Variants in AKAP6 observed in about 807,000 individuals in gnomAD.
AKAP6 encodes A-kinase anchor protein 6.
In AKAP6, 58 loss-of-function variants were observed where a neutral mutation model predicts 188.5. The ratio of observed to expected loss-of-function variants is 0.31; its 90% CI spans 0.25 to 0.38. The LOEUF is 0.38. Among genes scored for constraint, AKAP6 ranks in the 10% least tolerant of loss-of-function variants. The pLI is 1.00. For missense variants in AKAP6, 2,710 were observed against 2,740.0 expected (o/e 0.99, Z 0.24); for synonymous variants, 989 against 998.6 (o/e 0.99, Z 0.18).
intron 7 of AKAP6, among the ~76,000 whole-genome samples, chr14:32,621,195 T>C (rs1185458649): frequency 1.3e-5 from 2 of 152,148 alleles, no homozygotes; most frequent in Admixed American, 6.5e-5. Flanking sequence ...TCTGGTCTTT[T>C]TTATTTCTTT....
intron 7 of AKAP6, among the ~76,000 whole-genome samples, chr14:32,616,250 G>A (rs905075255): frequency 6.6e-6 from 1 of 152,136 alleles, no homozygotes; most frequent in South Asian, 2.1e-4. Context: ...TCGCATTACT[G>A]GGTATATATC....
In AKAP6 at chr14:32,821,692, T is replaced by C; in HGVS notation, c.3879T>C (p.Asn1293=). The change falls in exon 13 of 14, where the codon AAT becomes AAC. Residue 1293 remains asparagine (N), a synonymous_variant. Transcript: ENST00000280979. ...TTTACCAGGTGTACAGCCTCCACAA[T>C]GTTGAACTCTATGAGGACAACCACA... is the stretch of plus-strand genomic sequence containing the variant. ...PHIYQVYSLH[N]VELYEDNHMP... 2 of 1,613,766 alleles carry C rather than the reference T, an allele frequency of 1.2e-6. No individual in the cohort carries two copies. Among genetic ancestry groups the C allele is most frequent in the Non-Finnish European group, 1.7e-6 (2 of 1,179,896 alleles).
intron 2 of AKAP6, among the ~76,000 whole-genome samples, chr14:32,523,667 C>G (rs1452414426): frequency 6.6e-6 from 1 of 151,772 alleles, no homozygotes; most frequent in Non-Finnish European, 1.5e-5. Context: ...TGGGGTCTCA[C>G]TTTGTCGCCC....
At chr14:32,642,896 T>C (rs1446170500) in intron 7 of AKAP6, among the ~76,000 whole-genome samples, 1 of 152,208 alleles carries the variant, frequency 6.6e-6, no homozygotes, top group Non-Finnish European at 1.5e-5. Context: ...AGTATATCAG[T>C]ATTAATACTG....
intron 2 of AKAP6, among the ~76,000 whole-genome samples, chr14:32,530,743 A>G (rs1882374634): frequency 6.6e-6 from 1 of 152,154 alleles, no homozygotes; most frequent in African/African-American, 2.4e-5. Flanking sequence ...TGAAAACTGG[A>G]CATACTGGTT....
At chr14:32,593,064 C>T (rs1305239226) in intron 5 of AKAP6, among the ~76,000 whole-genome samples, 3 of 107,580 alleles carry the variant, frequency 2.8e-5, no homozygotes, top group Non-Finnish European at 6.3e-5. Flanking sequence ...ACACACACAG[C>T]TGTGAGCTCT....
At chr14:32,789,962 C>G (rs2033558534) in intron 12 of AKAP6, among the ~76,000 whole-genome samples, 1 of 152,092 alleles carries the variant, frequency 6.6e-6, no homozygotes, top group Non-Finnish European at 1.5e-5. Flanking sequence ...TGCAAAGAAG[C>G]TAAGAATCAC....
chr14:32,748,253 G>C (rs2031990429), intron 11 of AKAP6, among the ~76,000 whole-genome samples: 1 of 152,214 alleles, frequency 6.6e-6, no homozygotes, highest in African/African-American at 2.4e-5. Context: ...AGAGGCTTAA[G>C]TGTGGATTCA....
At chr14:32,795,009 C>T (rs1298274208) in intron 12 of AKAP6, among the ~76,000 whole-genome samples, 2 of 152,026 alleles carry the variant, frequency 1.3e-5, no homozygotes, top group Non-Finnish European at 2.9e-5. Flanking sequence ...ATAAACACCT[C>T]TATGCACATA....
chr14:32,822,111 T>G lies in AKAP6; in HGVS notation c.4298T>G (p.Val1433Gly). 1 of 1,613,902 alleles carries G rather than the reference T, an allele frequency of 6.2e-7. No homozygotes were observed. Among genetic ancestry groups the G allele is most frequent in the Non-Finnish European group, 8.5e-7 (1 of 1,179,910 alleles). ...PNSSQSSISP[V>G]GCVNGKVGDL... ...AGCTCTCAGTCGTCCATTTCACCAG[T>G]GGGTTGTGTAAATGGAAAAGTTGGA... is the stretch of plus-strand genomic sequence containing the variant. Residue 1433 changes from valine to glycine, a missense_variant, in exon 13 of 14, where the codon GTG becomes GGG. By Grantham distance (109) the Val-to-Gly change is moderately radical. This residue lies in a region of AKAP6 where 2,473 missense variants were observed against 2,426.1 expected (regional missense o/e 1.02). Coordinates refer to ENST00000280979, the MANE Select transcript of AKAP6 (RefSeq NM_004274.5).
intron 1 of AKAP6, among the ~76,000 whole-genome samples, chr14:32,398,424 C>T (rs1888949566): frequency 6.6e-6 from 1 of 152,140 alleles, no homozygotes; most frequent in Admixed American, 6.5e-5. Context: ...TCAGGTTTTG[C>T]CAAGTGATTC....
chr14:32,800,557 A>G (rs1432939288), intron 12 of AKAP6, among the ~76,000 whole-genome samples: 1 of 152,136 alleles, frequency 6.6e-6, no homozygotes, highest in Non-Finnish European at 1.5e-5. Context: ...ATTGACTCAT[A>G]TATTATTGTG....
At chr14:32,788,442 C>T (rs866449355) in intron 12 of AKAP6, among the ~76,000 whole-genome samples, 1 of 152,320 alleles carries the variant, frequency 6.6e-6, no homozygotes, top group East Asian at 1.9e-4. Flanking sequence ...GGGAATTCAG[C>T]ACCTTCAACT....
intron 1 of AKAP6, among the ~76,000 whole-genome samples, chr14:32,405,963 A>C (rs1889277985): frequency 6.6e-6 from 1 of 152,220 alleles, no homozygotes; most frequent in Admixed American, 6.5e-5. Context: ...GAATGACAGA[A>C]TTGATATAAC....
At chr14:32,646,591 AT>A (rs752163817) in intron 7 of AKAP6, among the ~76,000 whole-genome samples, 13 of 152,206 alleles carry the variant, frequency 8.5e-5, no homozygotes, top group Admixed American at 2.0e-4. Flanking sequence ...TCAATGAAAT[AT>A]ATTTCATAAA....
At chr14:32,758,789 A>C (rs1043790615) in intron 11 of AKAP6, among the ~76,000 whole-genome samples, 4 of 152,186 alleles carry the variant, frequency 2.6e-5, no homozygotes, top group Non-Finnish European at 1.5e-5. Flanking sequence ...ATTAATAGGA[A>C]ATATAGAAAT....
chr14:32,466,701 C>T (rs1284776534), intron 2 of AKAP6, among the ~76,000 whole-genome samples: 1 of 149,216 alleles, frequency 6.7e-6, no homozygotes, highest in Non-Finnish European at 1.5e-5. Flanking sequence ...ATGTAACAAA[C>T]CTGCACGTTC....
intron 9 of AKAP6, among the ~76,000 whole-genome samples, chr14:32,702,760 G>A (rs1008014502): frequency 3.3e-5 from 5 of 152,096 alleles, no homozygotes; most frequent in Admixed American, 1.3e-4. Flanking sequence ...GGCCTAGAGT[G>A]GATCAAACGA....
At chr14:32,506,184 C>T (rs959893315) in intron 2 of AKAP6, among the ~76,000 whole-genome samples, 1 of 151,974 alleles carries the variant, frequency 6.6e-6, no homozygotes, top group Non-Finnish European at 1.5e-5. Flanking sequence ...ATGAGATATA[C>T]ACATAAAAAA....
Sources: gnomAD v4.1 joint callset for allele counts (sites outside exome capture counted in the v4.1 genomes callset) on GRCh38, gnomAD v4.1.1 for gene constraint, gnomAD v4.1.1 regional missense constraint, MANE v1.5 for transcripts, NCBI Gene and HGNC (gene_info 2026-07-23, HGNC 2026-07-21) for gene names.